PHACTR2: variants seen among roughly 807,000 people sequenced by gnomAD.
PHACTR2 encodes the protein phosphatase and actin regulator 2.
A neutral mutation model predicts 76.0 loss-of-function variants in PHACTR2; 30 were observed. The observed-to-expected ratio is 0.39, with a 90% CI of 0.30 to 0.54. PHACTR2 has a LOEUF of 0.54. PHACTR2 is among the 20% of genes least tolerant of loss of function. The pLI is 0.61. For synonymous variants in PHACTR2, 292 were observed against 292.5 expected (o/e 1.00, Z 0.02); for missense variants, 696 against 781.1 (o/e 0.89, Z 1.30).
At position 143,641,510 on chromosome 6, in the gene PHACTR2, T is replaced by C. The variant is rs1487377542; in HGVS notation, c.13+33188T>C. On this transcript the variant is annotated intron_variant, in intron 1 of 11. Coordinates refer to the PHACTR2 transcript ENST00000305766. The surrounding 1 kb of genome is among the most constrained non-coding windows in gnomAD (Gnocchi z 5.8). ...ATTTGTTTGTTTGTTTGTGTGTTTG[T>C]TGTTGTTGTTTTTGAGACAGAGTTT... is the stretch of plus-strand genomic sequence containing the variant. Among the ~76,000 whole-genome samples the C allele has an allele frequency of 6.6e-6, 1 of 152,150 alleles. No individual in the cohort carries two copies. Among genetic ancestry groups the C allele is most frequent in the Non-Finnish European group, 1.5e-5 (1 of 68,014 alleles).
rs919361520 is a variant in PHACTR2, at chr6:143,617,640, C to T, written c.13+9318C>T. 1.3e-5 allele frequency among the ~76,000 whole-genome samples: 2 copies of T among 152,292 alleles called. No individual in the cohort carries two copies. Among genetic ancestry groups the T allele is most frequent in the African/African-American group, 4.8e-5 (2 of 41,566 alleles). ...TCCCCTTTCTCTCCCTCCTTCCTCCCTCCAGTCTAGCAGGCCAGTCTAGCT... is the reference window on the plus strand; with the variant it reads ...TCCCCTTTCTCTCCCTCCTTCCTCCTTCCAGTCTAGCAGGCCAGTCTAGCT... On this transcript the variant is annotated intron_variant, in intron 1 of 11. Coordinates refer to the PHACTR2 transcript ENST00000305766. The surrounding 1 kb of genome is among the most constrained non-coding windows in gnomAD (Gnocchi z 4.8).
intron 9 of PHACTR2, among the ~76,000 whole-genome samples, chr6:143,781,210 A>G (rs980182630): frequency 4.6e-5 from 7 of 152,242 alleles, no homozygotes; most frequent in Non-Finnish European, 8.8e-5. Flanking sequence ...AATTTTGAAC[A>G]TGGAAAACTT....
intron 1 of PHACTR2, among the ~76,000 whole-genome samples, chr6:143,661,584 G>T (rs1776947023): frequency 7.0e-6 from 1 of 143,706 alleles, no homozygotes; most frequent in African/African-American, 2.6e-5. Context: ...TTTTCTTTGA[G>T]GCAGTCTCGC....
rs927260192 is a variant in PHACTR2 at position 143,748,821 on chromosome 6, C to G, written c.215-164C>G. 9.7e-6 allele frequency: 5 copies of G among 516,242 alleles called. No individual in the cohort carries two copies. The African/African-American group carries it at 1.0e-4, about 10-fold the overall frequency. 32.0% of individuals were successfully genotyped at this position (516,242 alleles called of 1,614,324 possible). ...CTGCAGCCATTTGCTCTTGTCATAGCTGTGTTGATTCCACTCAGATCATGT... is the reference window on the plus strand; with the variant it reads ...CTGCAGCCATTTGCTCTTGTCATAGGTGTGTTGATTCCACTCAGATCATGT... On this transcript the variant is annotated intron_variant, in intron 2 of 12. Transcript: ENST00000440869.
At chr6:143,565,172 G>C (rs1021187705) in intron 1 of PHACTR2, among the ~76,000 whole-genome samples, 1 of 152,132 alleles carries the variant, frequency 6.6e-6, no homozygotes, top group African/African-American at 2.4e-5. Flanking sequence ...CATTGTTCTA[G>C]GTATGTGCAG....
At chr6:143,694,893 G>A (rs1011761574) in intron 1 of PHACTR2, among the ~76,000 whole-genome samples, 5 of 152,160 alleles carry the variant, frequency 3.3e-5, no homozygotes, top group Admixed American at 3.3e-4. Flanking sequence ...ACTTTTAACT[G>A]GTGCAGTCAG....
In PHACTR2 at chr6:143,775,868, G is replaced by A. The variant is rs994391423; in HGVS notation, c.1590-1460G>A. ...TTTGTTAAAATCCTAAACAAACGAG[G>A]AGTTGTAATCCCAGCACTTTGGGAG... is the stretch of plus-strand genomic sequence containing the variant. On this transcript the variant is annotated intron_variant, in intron 8 of 12. Transcript: ENST00000440869. The surrounding 1 kb of genome is among the most constrained non-coding windows in gnomAD (Gnocchi z 4.4). Among the ~76,000 whole-genome samples the A allele has an allele frequency of 2.6e-5, 4 of 152,130 alleles. No individual in the cohort carries two copies. Among genetic ancestry groups the A allele is most frequent in the South Asian group, 4.1e-4 (2 of 4,830 alleles).
Position 143,794,415 on chromosome 6 carries a change from A to T in PHACTR2, c.1845+5505A>T, listed in dbSNP as rs1322789496. Among the ~76,000 whole-genome samples the T allele has an allele frequency of 6.6e-6, 1 of 152,078 alleles. No homozygotes were observed. Among genetic ancestry groups the T allele is most frequent in the African/African-American group, 2.4e-5 (1 of 41,436 alleles). ...ATTATAATTTAGCTATTAGGTTTAA[A>T]AATGAGTTTTATTTTTAACTTTTGA... On this transcript the variant is annotated intron_variant, in intron 11 of 12. Coordinates refer to ENST00000440869, the MANE Select transcript of PHACTR2 (RefSeq NM_001100164.2). The surrounding 1 kb of genome is among the most constrained non-coding windows in gnomAD (Gnocchi z 4.1).
chr6:143,715,167 T>C (rs1294139862), intron 2 of PHACTR2, among the ~76,000 whole-genome samples: 2 of 152,226 alleles, frequency 1.3e-5, no homozygotes, highest in African/African-American at 4.8e-5. Context: ...GTCGTTCTCT[T>C]ATTTTCATTC....
rs150302918 is a variant in PHACTR2, at chr6:143,592,988, C to G, written c.217+55781C>G. ...CCTGGGAAGTCGATACTATTGTAAG[C>G]TGAGATCATGCCACTGCACCTGCAC... is the stretch of plus-strand genomic sequence containing the variant. On this transcript the variant is annotated intron_variant, in intron 1 of 11. Coordinates refer to the PHACTR2 transcript ENST00000367584. This position sits in a 1 kb window ranked among gnomAD's most constrained non-coding sequence, Gnocchi z 4.0. 1.4e-5 allele frequency among the ~76,000 whole-genome samples: 2 copies of G among 142,188 alleles called. No individual in the cohort carries two copies. The highest frequency in any genetic ancestry group is 3.0e-5 in the Non-Finnish European group (2 of 67,094). 93.3% of individuals were successfully genotyped at this position (142,188 alleles called of 152,430 possible).
rs370023034 is a variant in PHACTR2, at chr6:143,731,309, C to A, written c.215-17676C>A. Among the ~76,000 whole-genome samples, 162 of 142,770 alleles carry A rather than the reference C, an allele frequency of 1.1e-3. 1 individual carries two copies. Among genetic ancestry groups the A allele is most frequent in the African/African-American group, 4.0e-3 (157 of 39,732 alleles). 93.7% of individuals were successfully genotyped at this position (142,770 alleles called of 152,430 possible). A position where few individuals can be genotyped will look rare whatever the true frequency, so the allele number is the denominator to read the frequency against. On this transcript the variant is annotated intron_variant, in intron 2 of 12. Coordinates refer to ENST00000440869, the MANE Select transcript of PHACTR2 (RefSeq NM_001100164.2). This position sits in a 1 kb window ranked among gnomAD's most constrained non-coding sequence, Gnocchi z 4.9. ...TTTTGTTTTGTTTTGTTTTTTGAGACGGAGTTTCGCTCTTGTTGCCCAGGC... is the reference window on the plus strand; with the variant it reads ...TTTTGTTTTGTTTTGTTTTTTGAGAAGGAGTTTCGCTCTTGTTGCCCAGGC...
intron 1 of PHACTR2, among the ~76,000 whole-genome samples, chr6:143,620,799 G>T (rs1293011846): frequency 6.6e-6 from 1 of 152,214 alleles, no homozygotes; most frequent in Non-Finnish European, 1.5e-5. Context: ...CCTTTGGGAC[G>T]CATGCAATAT....
Position 143,570,948 on chromosome 6 carries a change from C to G in PHACTR2, c.217+33741C>G, listed in dbSNP as rs527552494. ...CGATGTTTATCAAATGCCCCTGAGA[C>G]TCGAAGACGCAAATTATATTCCTAT... On this transcript the variant is annotated intron_variant, in intron 1 of 11. Transcript: ENST00000367584. This position sits in a 1 kb window ranked among gnomAD's most constrained non-coding sequence, Gnocchi z 4.6. 1.2e-4 allele frequency among the ~76,000 whole-genome samples: 18 copies of G among 152,096 alleles called. No individual in the cohort carries two copies. The highest frequency in any genetic ancestry group is 2.1e-4 in the Non-Finnish European group (14 of 68,002).
intron 1 of PHACTR2, among the ~76,000 whole-genome samples, chr6:143,649,536 A>C (rs529016063): frequency 1.3e-5 from 2 of 152,252 alleles, no homozygotes; most frequent in Non-Finnish European, 2.9e-5. Flanking sequence ...GGTTGGTTCA[A>C]CATATACAAA....
chr6:143,729,359 G>A (rs185622508), intron 2 of PHACTR2, among the ~76,000 whole-genome samples: 13 of 152,122 alleles, frequency 8.5e-5, no homozygotes, highest in Non-Finnish European at 1.6e-4. Context: ...GAAATCCACC[G>A]TATCAGCTTC....
In PHACTR2 at chr6:143,822,217, A is replaced by T. The variant is rs1776436481; in HGVS notation, c.1923-1457A>T. ...TCTTATTTTAATTTTGTTAAGGGAC[A>T]GGGTCTTACTATGTGCCCAGACTTG... On this transcript the variant is annotated intron_variant, in intron 12 of 12. Coordinates refer to ENST00000440869, the MANE Select transcript of PHACTR2 (RefSeq NM_001100164.2). This position sits in a 1 kb window ranked among gnomAD's most constrained non-coding sequence, Gnocchi z 5.5. Among the ~76,000 whole-genome samples, 1 of 152,172 alleles carries T rather than the reference A, an allele frequency of 6.6e-6. No individual in the cohort carries two copies. The highest frequency in any genetic ancestry group is 1.5e-5 in the Non-Finnish European group (1 of 68,036).
At chr6:143,644,860 G>C (rs1436792132) in intron 1 of PHACTR2, among the ~76,000 whole-genome samples, 2 of 151,836 alleles carry the variant, frequency 1.3e-5, no homozygotes, top group Non-Finnish European at 1.5e-5. Flanking sequence ...TTGGGGAACA[G>C]GTGGTGTTTG....
chr6:143,654,399 G>A lies in PHACTR2; in HGVS notation c.13+46077G>A, dbSNP rs1235058692. 6.6e-6 allele frequency among the ~76,000 whole-genome samples: 1 copy of A among 152,122 alleles called. No homozygotes were observed. Reference sequence around the variant, plus strand: ...CAGAAACTTGTTTATGAAGTGCAGAGCAGCATTATTCTTAACAGCCTAAAA... The same window carrying A: ...CAGAAACTTGTTTATGAAGTGCAGAACAGCATTATTCTTAACAGCCTAAAA... On this transcript the variant is annotated intron_variant, in intron 1 of 11. Transcript: ENST00000305766. The surrounding 1 kb of genome is among the most constrained non-coding windows in gnomAD (Gnocchi z 4.6).
rs1364246525 is a variant in PHACTR2, at chr6:143,738,100, A to G, written c.215-10885A>G. Among the ~76,000 whole-genome samples, 1 of 152,188 alleles carries G rather than the reference A, an allele frequency of 6.6e-6. No individual in the cohort carries two copies. The highest frequency in any genetic ancestry group is 2.4e-5 in the African/African-American group (1 of 41,440). ...TATTGTTCATGGCTCAACTCAATAA[A>G]AAATAGGCTTTTAAAGATTATACAT... On this transcript the variant is annotated intron_variant, in intron 2 of 12. Transcript: ENST00000440869. This position sits in a 1 kb window ranked among gnomAD's most constrained non-coding sequence, Gnocchi z 4.0.
Sources: allele counts gnomAD v4.1 joint callset (sites outside exome capture counted in the v4.1 genomes callset), GRCh38; gene constraint gnomAD v4.1.1; non-coding constraint Gnocchi (gnomAD v3.1); transcripts MANE v1.5; gene names NCBI Gene and HGNC (gene_info 2026-07-23, HGNC 2026-07-21).